The following ATCAY variants were observed in gnomAD, a reference collection of about 807,000 sequenced individuals.
ATCAY encodes the protein ATCAY kinesin light chain interacting caytaxin, also known as caytaxin.
Under a neutral mutation model 47.7 loss-of-function variants are expected in ATCAY, and 22 were observed. That is an observed-to-expected ratio of 0.46 (90% CI 0.33 to 0.66). The LOEUF (loss-of-function observed/expected upper bound fraction) is 0.66, where lower values mean the gene tolerates loss of function less well. Among genes scored for constraint, ATCAY ranks in the 30% least tolerant of loss-of-function variants. ATCAY has a pLI of 0.02. For missense variants in ATCAY, 452 were observed against 515.0 expected (o/e 0.88, Z 1.18); for synonymous variants, 216 against 207.6 (o/e 1.04, Z -0.35).
At chr19:3,904,852 C>CTTTA (rs4018054) in intron 3 of ATCAY, among the ~76,000 whole-genome samples, 40,156 of 150,406 alleles carry the variant, frequency 0.27, 5,660 homozygotes, top group East Asian at 0.42. Context: ...GTCTCTTCTC[C>CTTTA]TTTATTTATT....
intron 9 of ATCAY, among the ~76,000 whole-genome samples, 165 bp from the exon 10 acceptor site, chr19:3,917,577 T>C (rs1409360512): frequency 1.6e-5 from 1 of 62,682 alleles, no homozygotes; most frequent in African/African-American, 8.1e-5. Flanking sequence ...AGTGCAAGAC[T>C]CCATCTCAAA....
chr19:3,895,491 A>C (rs964706702), intron 2 of ATCAY, among the ~76,000 whole-genome samples: 1 of 151,978 alleles, frequency 6.6e-6, no homozygotes, highest in Non-Finnish European at 1.5e-5. Context: ...CTGGGATTAC[A>C]GGTGTGAGCC....
At chr19:3,886,174 C>T (rs996413495) in intron 2 of ATCAY, among the ~76,000 whole-genome samples, 1 of 152,174 alleles carries the variant, frequency 6.6e-6, no homozygotes, top group Non-Finnish European at 1.5e-5. Flanking sequence ...TCTGGCTGGG[C>T]GCGGCGGTTC....
At chr19:3,908,149 G>A in intron 5 of ATCAY, 119 bp from the exon 6 acceptor site, 1 of 1,062,872 alleles carries the variant, frequency 9.4e-7, no homozygotes, top group Non-Finnish European at 1.4e-6. Context: ...GCCGGCTGCT[G>A]TGGCTCGGAG....
intron 12 of ATCAY, among the ~76,000 whole-genome samples, chr19:3,923,606 T>A (rs1002032877): frequency 1.4e-5 from 2 of 147,398 alleles, no homozygotes; most frequent in Non-Finnish European, 3.0e-5. Flanking sequence ...TGTGGATGGA[T>A]GAGTGGATGA....
chr19:3,892,773 TGGCG>T (rs2038729282), intron 2 of ATCAY, among the ~76,000 whole-genome samples: 2 of 151,990 alleles, frequency 1.3e-5, no homozygotes, highest in Non-Finnish European at 2.9e-5. Flanking sequence ...CTGGGTGTGG[TGGCG>T]GGCACCTGTA....
At chr19:3,898,700 T>C (rs553445886) in intron 2 of ATCAY, among the ~76,000 whole-genome samples, 1 of 152,284 alleles carries the variant, frequency 6.6e-6, no homozygotes, top group Non-Finnish European at 1.5e-5. Context: ...TGTTTGTTTT[T>C]GAGACAGAGT....
chr19:3,917,716 G>A (rs2038978716), intron 9 of ATCAY, 26 bp from the exon 10 acceptor site: 1 of 1,611,400 alleles, frequency 6.2e-7, no homozygotes, highest in Non-Finnish European at 8.5e-7. Context: ...GGAAGGTTGT[G>A]TCTGACATCT....
At chr19:3,923,767 AGTGG>A (rs954831809) in intron 12 of ATCAY, among the ~76,000 whole-genome samples, 5 of 58,236 alleles carry the variant, frequency 8.6e-5, no homozygotes, top group East Asian at 4.9e-4. Flanking sequence ...TGGATGGGTG[AGTGG>A]GTGGGTGGGT....
At position 3,907,977 on chromosome 19, in the gene ATCAY, G is replaced by A; in HGVS notation, c.544+58G>A. On this transcript the variant is annotated intron_variant, in intron 5 of 12. Coordinates refer to ENST00000450849, the MANE Select transcript of ATCAY (RefSeq NM_033064.5). This position sits in a 1 kb window ranked among gnomAD's most constrained non-coding sequence, Gnocchi z 5.1. ...TCCAGCCCGGCCCACTGGGCAACAG[G>A]GGGTTCGTCAGTGCCCCTCTCTGAT... 6.4e-7 allele frequency: 1 copy of A among 1,570,572 alleles called. No individual in the cohort carries two copies. Among genetic ancestry groups the A allele is most frequent in the Middle Eastern group, 1.7e-4 (1 of 5,990 alleles).
intron 2 of ATCAY, among the ~76,000 whole-genome samples, chr19:3,897,878 A>G (rs919764517): frequency 3.9e-5 from 6 of 152,160 alleles, no homozygotes; most frequent in African/African-American, 1.4e-4. Context: ...ACTGCACTCC[A>G]GCCTGGGCAA....
intron 2 of ATCAY, among the ~76,000 whole-genome samples, chr19:3,898,992 T>C (rs1325056105): frequency 1.3e-5 from 2 of 152,174 alleles, no homozygotes; most frequent in Non-Finnish European, 2.9e-5. Flanking sequence ...CAATGGACTC[T>C]TGAATTGTTT....
intron 2 of ATCAY, among the ~76,000 whole-genome samples, chr19:3,900,802 C>T (rs376923807): frequency 1.6e-4 from 24 of 151,742 alleles, no homozygotes; most frequent in South Asian, 4.2e-4. Context: ...TCCCAAAGTG[C>T]TGGGATTACA....
intron 2 of ATCAY, among the ~76,000 whole-genome samples, chr19:3,899,739 C>T (rs540564044): frequency 4.3e-4 from 66 of 152,208 alleles, no homozygotes; most frequent in African/African-American, 1.5e-3. Flanking sequence ...CCTGGCTTTC[C>T]GGAGTCAGCA....
At chr19:3,887,602 T>G (rs2038670617) in intron 2 of ATCAY, among the ~76,000 whole-genome samples, 1 of 151,084 alleles carries the variant, frequency 6.6e-6, no homozygotes, top group Non-Finnish European at 1.5e-5. Flanking sequence ...TTCTCCTGCC[T>G]CAGCCTCCCG....
At chr19:3,909,361 A>C in intron 6 of ATCAY, 125 bp from the exon 7 acceptor site, 1 of 1,116,902 alleles carries the variant, frequency 9.0e-7, no homozygotes, top group Non-Finnish European at 1.3e-6. Context: ...ACAGCAGACA[A>C]CACCTGGACC....
At chr19:3,896,687 A>G (rs2038772933) in intron 2 of ATCAY, among the ~76,000 whole-genome samples, 1 of 152,220 alleles carries the variant, frequency 6.6e-6, no homozygotes, top group East Asian at 1.9e-4. Context: ...CATCTTGAGA[A>G]TCGAAGGCAG....
intron 5 of ATCAY, 135 bp from the exon 6 acceptor site, chr19:3,908,133 G>C: frequency 9.8e-7 from 1 of 1,017,044 alleles, no homozygotes; most frequent in Middle Eastern, 2.8e-4. Flanking sequence ...GACTGGCTAA[G>C]GGGTCGCCGG....
intron 2 of ATCAY, among the ~76,000 whole-genome samples, chr19:3,896,331 G>A (rs908011107): frequency 4.0e-5 from 6 of 150,488 alleles, no homozygotes; most frequent in African/African-American, 1.2e-4. Context: ...GCAGTGGCAC[G>A]GTCTCAGCTC....
Sources: allele counts gnomAD v4.1 joint callset (sites outside exome capture counted in the v4.1 genomes callset), GRCh38; gene constraint gnomAD v4.1.1; non-coding constraint Gnocchi (gnomAD v3.1); transcripts MANE v1.5; gene names NCBI Gene and HGNC (gene_info 2026-07-23, HGNC 2026-07-21).